The following GABRA2 variants were observed in gnomAD, a reference collection of about 807,000 sequenced individuals.
The protein encoded by GABRA2 is gamma-aminobutyric acid type A receptor subunit alpha2.
Under a neutral mutation model 48.7 loss-of-function variants are expected in GABRA2, and 16 were observed. The observed-to-expected ratio is 0.33, with a 90% confidence interval of 0.22 to 0.50. The LOEUF (loss-of-function observed/expected upper bound fraction) is 0.50, where lower values mean the gene tolerates loss of function less well. Among genes scored for constraint, GABRA2 ranks in the 20% least tolerant of loss-of-function variants. The pLI, the probability that GABRA2 is intolerant of heterozygous loss-of-function variation, is 0.98. For synonymous variants in GABRA2, 185 were observed against 184.5 expected, an observed-to-expected ratio of 1.00 and a Z score of -0.02; for missense variants, 275 against 535.6, an observed-to-expected ratio of 0.51 and a Z score of 4.80.
At chr4:46,389,140 C>CA in intron 1 of GABRA2, 5 of 993,398 alleles carry the variant, frequency 5.0e-6, no homozygotes, top group Non-Finnish European at 6.0e-6. Flanking sequence ...ATGGGTACTT[C>CA]ACGCCACAAC....
At chr4:46,286,677 G>C (rs1407090270) in intron 8 of GABRA2, among the ~76,000 whole-genome samples, 1 of 152,002 alleles carries the variant, frequency 6.6e-6, no homozygotes, top group East Asian at 1.9e-4. Context: ...TGTGGTTTTT[G>C]TTTGTAATTC....
Position 46,268,593 on chromosome 4 carries a change from T to C in GABRA2, c.857-6465A>G, listed in dbSNP as rs1035336488. ...ACATTCTTGGTTGGAATGTGAATTA[T>C]GTGAATTAGCATAACTCTTATGGAA... On this transcript the variant is annotated intron_variant, in intron 8 of 9. Coordinates refer to ENST00000381620, the MANE Select transcript of GABRA2 (RefSeq NM_000807.4). Among the ~76,000 whole-genome samples, 11 of 151,954 alleles carry C rather than the reference T, an allele frequency of 7.2e-5. No individual in the cohort carries two copies. In the South Asian group the frequency reaches 1.9e-3, roughly 26 times the overall value.
Position 46,389,910 on chromosome 4 carries a change from G to A in GABRA2, c.-186C>T. ...AGCGTGGAGCGATGGGCTGGTGGAA[G>A]CCGGAGAGGAGCGCTAGGAGCCGCG... On this transcript the variant is annotated 5_prime_UTR_variant, in exon 1 of 10. Transcript: ENST00000381620. 1 of 987,422 alleles carries A rather than the reference G, an allele frequency of 1.0e-6. No individual in the cohort carries two copies. The highest frequency in any genetic ancestry group is 4.6e-5 in the South Asian group (1 of 21,604). 61.2% of individuals were successfully genotyped at this position (987,422 alleles called of 1,614,324 possible).
At chr4:46,290,657 A>T (rs1230106538) in intron 8 of GABRA2, among the ~76,000 whole-genome samples, 1 of 152,114 alleles carries the variant, frequency 6.6e-6, no homozygotes, top group African/African-American at 2.4e-5. Context: ...AAGCTCTAGT[A>T]ATTTTTACTT....
chr4:46,260,092 C>T (rs796531889), intron 9 of GABRA2, among the ~76,000 whole-genome samples: 5 of 151,702 alleles, frequency 3.3e-5, no homozygotes, highest in African/African-American at 7.2e-5. Context: ...ATTATATTGT[C>T]GGATTTAAGA....
intron 3 of GABRA2, among the ~76,000 whole-genome samples, chr4:46,378,229 G>A (rs1276820517): frequency 6.6e-6 from 1 of 152,206 alleles, no homozygotes; most frequent in South Asian, 2.1e-4. Flanking sequence ...GGGGAAGGGT[G>A]GGGAAAAGAC....
chr4:46,357,666 CT>C lies in GABRA2; in HGVS notation c.188-24985del, dbSNP rs530230630. Among the ~76,000 whole-genome samples the C allele has an allele frequency of 1.0e-2, 1,325 of 133,024 alleles. 14 individuals carry two copies. The highest frequency in any genetic ancestry group is 0.029 in the African/African-American group (1,027 of 35,244). The allele number at this position is 133,024 out of a possible 152,430, so 87.3% of individuals were successfully genotyped here. A position where few individuals can be genotyped will look rare whatever the true frequency, so the allele number is the denominator to read the frequency against. On this transcript the variant is annotated intron_variant, in intron 3 of 9. Coordinates refer to ENST00000381620, the MANE Select transcript of GABRA2 (RefSeq NM_000807.4). ...AGCTTTTTTATTTTTTATTTTCTTT[CT>C]TTTTTTTTTTTTTTTTGACAGTCTT...
At chr4:46,298,909 T>A (rs780170640) in intron 8 of GABRA2, among the ~76,000 whole-genome samples, 3 of 151,734 alleles carry the variant, frequency 2.0e-5, no homozygotes, top group African/African-American at 4.8e-5. Context: ...TCTAGTATAA[T>A]ACCTAGGTTT....
chr4:46,296,725 G>A (rs1203673787), intron 8 of GABRA2, among the ~76,000 whole-genome samples: 1 of 151,640 alleles, frequency 6.6e-6, no homozygotes, highest in Non-Finnish European at 1.5e-5. Flanking sequence ...AGGATGGGTA[G>A]TAGAAGAAGG....
At chr4:46,356,451 AGCCACTGTTTTAC>A (rs952985256) in intron 3 of GABRA2, among the ~76,000 whole-genome samples, 2 of 150,906 alleles carry the variant, frequency 1.3e-5, no homozygotes, top group African/African-American at 4.9e-5. Flanking sequence ...AAAAAAAAAA[AGCCACTGTTTTAC>A]AGCTTCCCAC....
intron 9 of GABRA2, among the ~76,000 whole-genome samples, chr4:46,259,532 G>T (rs536159493): frequency 6.6e-6 from 1 of 152,006 alleles, no homozygotes; most frequent in African/African-American, 2.4e-5. Context: ...CATGTAATAT[G>T]TCGAGTGTGC....
chr4:46,255,448 T>A (rs1024408430), intron 9 of GABRA2, among the ~76,000 whole-genome samples: 22 of 151,316 alleles, frequency 1.5e-4, no homozygotes, highest in African/African-American at 4.9e-4. Flanking sequence ...AGGCTAAATT[T>A]AAAAAAATCA....
At chr4:46,377,718 C>T (rs1460357466) in intron 3 of GABRA2, among the ~76,000 whole-genome samples, 32 of 131,684 alleles carry the variant, frequency 2.4e-4, no homozygotes, top group Admixed American at 1.1e-3. Context: ...CCTCCCCGTC[C>T]GGGAGGGAGG....
At chr4:46,300,310 T>TGC (rs1329141709) in intron 8 of GABRA2, among the ~76,000 whole-genome samples, 3 of 151,946 alleles carry the variant, frequency 2.0e-5, no homozygotes, top group Admixed American at 6.6e-5. Context: ...TGTGTGTGTG[T>TGC]GCGCGCGCGT....
intron 8 of GABRA2, among the ~76,000 whole-genome samples, chr4:46,267,943 G>C (rs751869932): frequency 6.6e-6 from 1 of 151,974 alleles, no homozygotes; most frequent in Non-Finnish European, 1.5e-5. Flanking sequence ...TGCTGAACCA[G>C]TATGTATTCT....
intron 8 of GABRA2, among the ~76,000 whole-genome samples, chr4:46,283,228 A>T (rs974672954): frequency 6.6e-6 from 1 of 152,198 alleles, no homozygotes; most frequent in Non-Finnish European, 1.5e-5. Flanking sequence ...TAAGAGGGAC[A>T]TCTGGAAAGC....
At chr4:46,271,795 C>T (rs2109404350) in intron 8 of GABRA2, among the ~76,000 whole-genome samples, 1 of 151,940 alleles carries the variant, frequency 6.6e-6, no homozygotes, top group South Asian at 2.1e-4. Context: ...CCTCTCCTCA[C>T]TTTTCTTCCT....
chr4:46,306,112 A>T (rs1039587388), intron 6 of GABRA2, among the ~76,000 whole-genome samples: 2 of 152,182 alleles, frequency 1.3e-5, no homozygotes, highest in African/African-American at 4.8e-5. Flanking sequence ...AAAATTCAAA[A>T]TTATATTAAT....
rs528575141 is a variant in GABRA2, at chr4:46,320,619, A to G, written c.256-7903T>C. Among the ~76,000 whole-genome samples, 228 of 152,006 alleles carry G rather than the reference A, an allele frequency of 1.5e-3. 2 individuals carry two copies. The highest frequency in any genetic ancestry group is 5.3e-3 in the African/African-American group (222 of 41,524). ...AATCTGAATCGACAGTTCTCCAATA[A>G]AAACACAAAATGGTCAATAAGTATA... On this transcript the variant is annotated intron_variant, in intron 4 of 9. Coordinates refer to ENST00000381620, the MANE Select transcript of GABRA2 (RefSeq NM_000807.4).
Sources: allele counts gnomAD v4.1 joint callset (sites outside exome capture counted in the v4.1 genomes callset), GRCh38; gene constraint gnomAD v4.1.1; transcripts MANE v1.5; gene names NCBI Gene and HGNC (gene_info 2026-07-23, HGNC 2026-07-21).